The following PDZD2 variants were observed in gnomAD, a reference collection of about 807,000 sequenced individuals.
The protein encoded by PDZD2 is PDZ domain-containing protein 2.
A neutral mutation model predicts 220.7 loss-of-function variants in PDZD2; 90 were observed. That is an observed-to-expected ratio of 0.41 (90% CI 0.34 to 0.49). The LOEUF (loss-of-function observed/expected upper bound fraction) is 0.49. Ranked by LOEUF, PDZD2 falls within the 20% of genes least tolerant of loss-of-function variation. The probability of loss-of-function intolerance (pLI) is 0.28; values close to 1 mark genes in which losing one functional copy is unlikely to be tolerated. For missense variants in PDZD2, 3,174 were observed against 3,608.5 expected, an observed-to-expected ratio of 0.88 and a Z score of 3.08; for synonymous variants, 1,375 against 1,450.5, an observed-to-expected ratio of 0.95 and a Z score of 1.18.
intron 2 of PDZD2, among the ~76,000 whole-genome samples, chr5:31,916,960 G>A (rs1743743415): frequency 6.6e-6 from 1 of 152,170 alleles, no homozygotes. Flanking sequence ...ATAAAACCAT[G>A]TGCAAATGTG....
chr5:31,735,099 C>T (rs1167419346), intron 1 of PDZD2, among the ~76,000 whole-genome samples: 1 of 152,134 alleles, frequency 6.6e-6, no homozygotes, highest in African/African-American at 2.4e-5. Context: ...AGCGTTGAAC[C>T]CTCCACTGCA....
At chr5:31,818,593 T>C (rs951479595) in intron 2 of PDZD2, among the ~76,000 whole-genome samples, 2 of 152,164 alleles carry the variant, frequency 1.3e-5, no homozygotes, top group Non-Finnish European at 2.9e-5. Context: ...CACTGGCACC[T>C]CTTGCTGACT....
intron 5 of PDZD2, among the ~76,000 whole-genome samples, chr5:32,003,064 A>G (rs1276155397): frequency 1.8e-5 from 2 of 111,824 alleles, no homozygotes; most frequent in East Asian, 5.4e-4. Flanking sequence ...CCACACACAC[A>G]TCACACACCC....
In PDZD2 at chr5:31,983,317, GA is replaced by G; in HGVS notation, c.642del (p.Lys214AsnfsTer53). ...TGGGTGACCGAACTGCGAAAAAGGG[GA>G]AACGAACCAGAAAGTTTGGGGTCAT... is the stretch of plus-strand genomic sequence containing the variant. Reference protein sequence around the residue: ...ELGDRTAKKGKRTRKFGVISR... With the variant: ...ELGDRTAKKGXRTRKFGVISR... On this transcript the variant is annotated frameshift_variant, in exon 3 of 25. Transcript: ENST00000438447. LOFTEE classifies it high-confidence loss of function. 6.2e-7 allele frequency: 1 copy of G among 1,614,212 alleles called. No individual in the cohort carries two copies. The highest frequency in any genetic ancestry group is 8.5e-7 in the Non-Finnish European group (1 of 1,180,038).
intron 24 of PDZD2, among the ~76,000 whole-genome samples, chr5:32,103,206 C>T (rs1157297119): frequency 2.0e-5 from 3 of 152,156 alleles, no homozygotes. Flanking sequence ...CTGAAAAACT[C>T]ATCAAGGGGC....
Position 32,090,247 on chromosome 5 carries a change from G to T in PDZD2, c.6799G>T (p.Gly2267Cys). 6.2e-7 allele frequency: 1 copy of T among 1,614,180 alleles called. No individual in the cohort carries two copies. Among genetic ancestry groups the T allele is most frequent in the Non-Finnish European group, 8.5e-7 (1 of 1,180,034 alleles). The stretch of plus-strand genomic sequence containing the variant: ...CCCCGAGGCAAAGGCATCCAGAGGT[G>T]GTCTTCCCAGCCTGGCTAATGGACA... ...VVPEAKASRG[G>C]LPSLANGQGI... The change falls in exon 20 of 25, where the codon GGT (glycine) becomes TGT (cysteine). Residue 2267 changes from glycine (G) to cysteine (C), a missense_variant. Physicochemically the swap from Gly to Cys is radical, Grantham distance 159. Coordinates refer to ENST00000438447, the MANE Select transcript of PDZD2 (RefSeq NM_178140.4). The surrounding 1 kb of genome is among the most constrained non-coding windows in gnomAD (Gnocchi z 4.3).
chr5:32,020,217 C>G (rs1043824850), intron 6 of PDZD2, among the ~76,000 whole-genome samples: 1 of 152,046 alleles, frequency 6.6e-6, no homozygotes. Context: ...GTTGACCAAG[C>G]TGGTCTCAAA....
At chr5:32,012,541 G>A (rs1047271488) in intron 6 of PDZD2, among the ~76,000 whole-genome samples, 2 of 151,608 alleles carry the variant, frequency 1.3e-5, no homozygotes, top group Non-Finnish European at 2.9e-5. Context: ...ACGCCACCGC[G>A]CTTGGCTAAT....
At chr5:31,883,328 C>T (rs1460908308) in intron 2 of PDZD2, among the ~76,000 whole-genome samples, 1 of 139,040 alleles carries the variant, frequency 7.2e-6, no homozygotes, top group African/African-American at 2.6e-5. Flanking sequence ...TCAAACGATT[C>T]TCCTGCCTCA....
intron 2 of PDZD2, among the ~76,000 whole-genome samples, chr5:31,867,165 T>A (rs1423844497): frequency 1.3e-5 from 2 of 152,216 alleles, no homozygotes; most frequent in African/African-American, 2.4e-5. Context: ...TCTGCTGCTC[T>A]TTATTGCTTC....
intron 6 of PDZD2, among the ~76,000 whole-genome samples, chr5:32,015,706 G>A (rs1169975500): frequency 1.3e-5 from 2 of 152,056 alleles, no homozygotes; most frequent in African/African-American, 4.8e-5. Context: ...AAAAGAAAGA[G>A]ATTTTTCATG....
intron 2 of PDZD2, among the ~76,000 whole-genome samples, chr5:31,881,051 A>G (rs931333642): frequency 2.0e-5 from 3 of 151,610 alleles, no homozygotes; most frequent in African/African-American, 7.2e-5. Flanking sequence ...ACGCCCGCCT[A>G]GGCCTCCCAA....
At chr5:31,647,668 G>A (rs1745185346) in intron 1 of PDZD2, among the ~76,000 whole-genome samples, 1 of 152,048 alleles carries the variant, frequency 6.6e-6, no homozygotes, top group Non-Finnish European at 1.5e-5. Flanking sequence ...TTGGAGTTAG[G>A]GCTACCCAAA....
intron 2 of PDZD2, among the ~76,000 whole-genome samples, chr5:31,842,324 G>T (rs1190079438): frequency 6.6e-6 from 1 of 152,184 alleles, no homozygotes; most frequent in Non-Finnish European, 1.5e-5. Flanking sequence ...CCTCTGCGAG[G>T]TAATTGTCAT....
At chr5:31,896,323 CGTGTGTGTGTGTGTGTGTGTGTGTGT>C (rs35229609) in intron 2 of PDZD2, among the ~76,000 whole-genome samples, 3 of 136,472 alleles carry the variant, frequency 2.2e-5, no homozygotes, top group African/African-American at 8.2e-5. Context: ...TTGATACTCT[CGTGTGTGTGTGTGTGTGTGTGTGTGT>C]GTGTGTGTGT....
At chr5:31,999,530 A>C (rs537781047) in intron 4 of PDZD2, among the ~76,000 whole-genome samples, 2 of 152,194 alleles carry the variant, frequency 1.3e-5, no homozygotes, top group East Asian at 1.9e-4. Flanking sequence ...AACACACACA[A>C]AAAAACATAC....
chr5:32,064,633 T>C (rs1345127847), intron 14 of PDZD2, among the ~76,000 whole-genome samples: 1 of 152,190 alleles, frequency 6.6e-6, no homozygotes, highest in Non-Finnish European at 1.5e-5. Flanking sequence ...TGTGGTTAAG[T>C]TGTATTTAAG....
chr5:31,640,016 T>G (rs1744886829), intron 1 of PDZD2, among the ~76,000 whole-genome samples: 1 of 151,946 alleles, frequency 6.6e-6, no homozygotes, highest in African/African-American at 2.4e-5. Context: ...GGGAACATAG[T>G]GATAGGGAAA....
intron 2 of PDZD2, among the ~76,000 whole-genome samples, chr5:31,817,870 G>A (rs971417082): frequency 5.9e-5 from 9 of 151,550 alleles, no homozygotes; most frequent in African/African-American, 2.2e-4. Flanking sequence ...CACCATGTTC[G>A]TAAGGCTGGC....
Sources: gnomAD v4.1 joint callset for allele counts (sites outside exome capture counted in the v4.1 genomes callset) on GRCh38, gnomAD v4.1.1 for gene constraint, Gnocchi (gnomAD v3.1) non-coding constraint, MANE v1.5 for transcripts, NCBI Gene and HGNC (gene_info 2026-07-23, HGNC 2026-07-21) for gene names.